Variants in XKR9 observed in about 807,000 individuals in gnomAD.
The protein encoded by XKR9 is XK related 9, also known as XK-related protein 9.
A neutral mutation model predicts 32.0 loss-of-function variants in XKR9; 32 were observed. The ratio of observed to expected loss-of-function variants is 1.00; its 90% CI spans 0.76 to 1.34. The LOEUF is 1.34. Among genes scored for constraint, XKR9 ranks in the 40% most tolerant of loss-of-function variants. The pLI is 0.00. For synonymous variants in XKR9, 168 were observed against 143.4 expected, an observed-to-expected ratio of 1.17 and a Z score of -1.22; for missense variants, 546 against 429.7, an observed-to-expected ratio of 1.27 and a Z score of -2.39.
the XKR9 span, among the ~76,000 whole-genome samples, chr8:70,842,022 A>T: frequency 6.6e-6 from 1 of 152,332 alleles, no homozygotes; most frequent in Non-Finnish European, 1.5e-5. Context: ...ATGGTTTCTA[A>T]GTGGTGCTTT....
At chr8:71,013,116 C>T in the XKR9 span, among the ~76,000 whole-genome samples, 40 of 152,064 alleles carry the variant, frequency 2.6e-4, no homozygotes, top group Admixed American at 8.5e-4. Flanking sequence ...GAAATAATTG[C>T]GGTAGAACTT....
chr8:70,673,082 T>G (rs1185097260), intron 1 of XKR9, among the ~76,000 whole-genome samples: 2 of 152,222 alleles, frequency 1.3e-5, no homozygotes. Context: ...CAAATTTGTC[T>G]GTTTTTATTT....
the XKR9 span, among the ~76,000 whole-genome samples, chr8:70,830,205 G>T: frequency 6.6e-6 from 1 of 152,078 alleles, no homozygotes; most frequent in Non-Finnish European, 1.5e-5. Flanking sequence ...CTAACTGCTG[G>T]TTCTAAGTCC....
chr8:71,044,446 G>A, the XKR9 span, among the ~76,000 whole-genome samples: 1 of 152,138 alleles, frequency 6.6e-6, no homozygotes, highest in Non-Finnish European at 1.5e-5. Context: ...AGAATTCATT[G>A]GAGCAGCATG....
chr8:70,901,934 G>GTT, the XKR9 span, among the ~76,000 whole-genome samples: 1 of 152,140 alleles, frequency 6.6e-6, no homozygotes, highest in Non-Finnish European at 1.5e-5. Flanking sequence ...CCCATTGCTT[G>GTT]TTTTTGTCAG....
the XKR9 span, among the ~76,000 whole-genome samples, chr8:70,849,619 G>A: frequency 2.6e-5 from 4 of 152,110 alleles, no homozygotes; most frequent in African/African-American, 9.7e-5. Context: ...TAAGAGCAGA[G>A]CAGAACTGAA....
the XKR9 span, among the ~76,000 whole-genome samples, chr8:70,865,475 A>G: frequency 8.6e-5 from 13 of 152,032 alleles, no homozygotes; most frequent in African/African-American, 2.4e-4. Flanking sequence ...CTCAAAAAAA[A>G]AAGTGGAAAA....
chr8:70,781,994 T>C (rs375178204), intron 2 of XKR9, among the ~76,000 whole-genome samples: 2 of 152,188 alleles, frequency 1.3e-5, no homozygotes, highest in African/African-American at 4.8e-5. Flanking sequence ...CACACTTACA[T>C]ACACAACTAT....
At chr8:70,702,436 G>C (rs971024517) in intron 3 of XKR9, among the ~76,000 whole-genome samples, 1 of 152,104 alleles carries the variant, frequency 6.6e-6, no homozygotes, top group Non-Finnish European at 1.5e-5. Context: ...ATGTCAGTTA[G>C]GTCAATTAGG....
chr8:70,770,026 T>G (rs953424051), intron 2 of XKR9, among the ~76,000 whole-genome samples: 1 of 152,080 alleles, frequency 6.6e-6, no homozygotes, highest in Non-Finnish European at 1.5e-5. Context: ...TGCATTCTGG[T>G]TTTTGGAATT....
At chr8:70,677,480 C>G (rs1177112921) in intron 2 of XKR9, among the ~76,000 whole-genome samples, 1 of 152,140 alleles carries the variant, frequency 6.6e-6, no homozygotes, top group Admixed American at 6.6e-5. Flanking sequence ...TAGATCACAT[C>G]ATTTGCAATT....
At chr8:70,812,108 C>T in the XKR9 span, among the ~76,000 whole-genome samples, 25 of 152,176 alleles carry the variant, frequency 1.6e-4, no homozygotes, top group Middle Eastern at 3.4e-3. Context: ...CAAGTGGGCT[C>T]CATCCCTGGG....
At chr8:70,777,691 A>G (rs1178690714) in intron 2 of XKR9, among the ~76,000 whole-genome samples, 2 of 152,114 alleles carry the variant, frequency 1.3e-5, no homozygotes, top group African/African-American at 4.8e-5. Flanking sequence ...TTTGACTTGC[A>G]TTTCTCTAAT....
intron 3 of XKR9, among the ~76,000 whole-genome samples, chr8:70,706,212 A>T (rs1207325610): frequency 6.6e-6 from 1 of 152,136 alleles, no homozygotes; most frequent in Non-Finnish European, 1.5e-5. Context: ...ATTTCTTCTA[A>T]ATAAATGTTT....
At chr8:70,837,699 A>G in the XKR9 span, among the ~76,000 whole-genome samples, 1 of 152,120 alleles carries the variant, frequency 6.6e-6, no homozygotes, top group Non-Finnish European at 1.5e-5. Flanking sequence ...GGAGGCAGCA[A>G]GAACACCTAT....
the XKR9 span, among the ~76,000 whole-genome samples, chr8:70,800,502 T>A: frequency 6.6e-6 from 1 of 152,246 alleles, no homozygotes; most frequent in East Asian, 1.9e-4. Flanking sequence ...GGCATTTATT[T>A]TTAGATAAAG....
chr8:70,750,128 G>A (rs1221567431), intron 2 of XKR9, among the ~76,000 whole-genome samples: 1 of 152,068 alleles, frequency 6.6e-6, no homozygotes, highest in Non-Finnish European at 1.5e-5. Flanking sequence ...AGCCCCTTTA[G>A]TTATTGTTGC....
chr8:70,739,613 T>G (rs1806930790), downstream of XKR9, among the ~76,000 whole-genome samples: 4 of 152,266 alleles, frequency 2.6e-5, 1 homozygote, highest in South Asian at 8.3e-4. Flanking sequence ...TACCGGTTGT[T>G]CCTTTCCATG....
At chr8:70,877,634 C>T in the XKR9 span, among the ~76,000 whole-genome samples, 1 of 152,094 alleles carries the variant, frequency 6.6e-6, no homozygotes, top group African/African-American at 2.4e-5. Flanking sequence ...AAGAAACGAA[C>T]AAAGCTTCCA....
Sources: gnomAD v4.1 joint callset for allele counts (sites outside exome capture counted in the v4.1 genomes callset) on GRCh38, gnomAD v4.1.1 for gene constraint, MANE v1.5 for transcripts, NCBI Gene and HGNC (gene_info 2026-07-23, HGNC 2026-07-21) for gene names.